Variants in COL6A1 observed in about 807,000 individuals in gnomAD.
COL6A1 encodes the protein collagen alpha-1(VI) chain.
In COL6A1, 80 loss-of-function variants were observed where a neutral mutation model predicts 145.6. The observed-to-expected ratio is 0.55, with a 90% confidence interval of 0.46 to 0.66. The LOEUF is 0.66. COL6A1 is among the 30% of genes least tolerant of loss of function. The pLI is 0.00. For synonymous variants in COL6A1, 638 were observed against 622.8 expected (o/e 1.02, Z -0.36); for missense variants, 1,364 against 1,473.8 (o/e 0.93, Z 1.22).
In COL6A1 at chr21:46,004,823, C is replaced by G; in HGVS notation, c.*810C>G. The G allele has an allele frequency of 3.1e-6, 1 of 321,332 alleles. No homozygotes were observed. Among genetic ancestry groups the G allele is most frequent in the Admixed American group, 3.4e-5 (1 of 29,616 alleles). The allele number at this position is 321,332 out of a possible 1,614,324, so 19.9% of individuals were successfully genotyped here. ...CGGTGCTAACCCCGTCTGCTCCTCC[C>G]TCCCGCAGAGACTGGGGCCTGGACT... On this transcript the variant is annotated 3_prime_UTR_variant, in exon 35 of 35. Coordinates refer to ENST00000361866, the MANE Select transcript of COL6A1 (RefSeq NM_001848.3).
chr21:45,994,763 T>G lies in COL6A1; in HGVS notation c.1398+534T>G, dbSNP rs1162915966. 6.6e-6 allele frequency among the ~76,000 whole-genome samples: 1 copy of G among 152,222 alleles called. No homozygotes were observed. Among genetic ancestry groups the G allele is most frequent in the Non-Finnish European group, 1.5e-5 (1 of 68,036 alleles). Reference sequence around the variant, plus strand: ...GCACGGCTTTCTGTCTCTTCCCCCATTCTGATGACTGCCATGATGGTGGCT... The same window carrying G: ...GCACGGCTTTCTGTCTCTTCCCCCAGTCTGATGACTGCCATGATGGTGGCT... On this transcript the variant is annotated intron_variant, in intron 20 of 34. Transcript: ENST00000361866. The surrounding 1 kb of genome is among the most constrained non-coding windows in gnomAD (Gnocchi z 6.8).
chr21:45,992,870 C>A, intron 19 of COL6A1, 60 bp downstream of exon 19: 1 of 1,475,080 alleles, frequency 6.8e-7, no homozygotes, highest in Non-Finnish European at 9.3e-7. Flanking sequence ...GAGGCTGGGG[C>A]TGGGTCAGGC....
rs555305338 is a variant in COL6A1, at chr21:45,992,644, G to A, written c.1273-104G>A. Reference sequence around the variant, plus strand: ...GCGGTGGAGGGGTGGCCCCTCCCAGGGGTCCTGCTGGGGGAGTCAGTCCAG... The same window carrying A: ...GCGGTGGAGGGGTGGCCCCTCCCAGAGGTCCTGCTGGGGGAGTCAGTCCAG... On this transcript the variant is annotated intron_variant, in intron 18 of 34. Transcript: ENST00000361866. 1.6e-4 allele frequency: 198 copies of A among 1,239,168 alleles called. 2 individuals are homozygous for A. In the South Asian group the frequency reaches 2.5e-3, roughly 16 times the overall value. 76.8% of individuals were successfully genotyped at this position (1,239,168 alleles called of 1,614,324 possible).
At position 45,991,023 on chromosome 21, in the gene COL6A1, T is replaced by C. The variant is rs777373576; in HGVS notation, c.1101T>C (p.Phe367=). The C allele has an allele frequency of 1.2e-6, 2 of 1,613,324 alleles. No homozygotes were observed. Among genetic ancestry groups the C allele is most frequent in the South Asian group, 1.1e-5 (1 of 91,074 alleles). ...GCCCCAAGGGAGACCCCGGTGCCTTTGGACTGAAAGGAGAAAAGGTGAGTG... is the reference window on the plus strand; with the variant it reads ...GCCCCAAGGGAGACCCCGGTGCCTTCGGACTGAAAGGAGAAAAGGTGAGTG... ...PPGPKGDPGA[F]GLKGEKGEPG... Residue 367 remains phenylalanine (F), a synonymous_variant, in exon 15 of 35, where the codon TTT becomes TTC. Coordinates refer to ENST00000361866, the MANE Select transcript of COL6A1 (RefSeq NM_001848.3).
At chr21:45,999,918 G>GA (rs1220584264) in intron 27 of COL6A1, among the ~76,000 whole-genome samples, 3 of 3,040 alleles carry the variant, frequency 9.9e-4, no homozygotes, top group Non-Finnish European at 1.5e-3. Flanking sequence ...AGGATCATGG[G>GA]GGACATGTGA....
rs759356750 is a variant in COL6A1, at chr21:46,002,017, G to C, written c.2013G>C (p.Gln671His). 6.2e-7 allele frequency: 1 copy of C among 1,612,758 alleles called. No individual in the cohort carries two copies. The highest frequency in any genetic ancestry group is 2.2e-5 in the East Asian group (1 of 44,866). The change falls in exon 31 of 35, where the codon CAG becomes CAC. Residue 671 changes from glutamine (Q) to histidine (H), a missense_variant. Gln to His is a conservative substitution (Grantham distance 24, BLOSUM62 0). Transcript: ENST00000361866. ...GVVQYSHSQM[Q>H]EHVSLRSPSI... ...TGCAGTACAGCCACAGCCAGATGCAGGAGCACGTGAGCCTGCGCAGCCCCA... is the reference window on the plus strand; with the variant it reads ...TGCAGTACAGCCACAGCCAGATGCACGAGCACGTGAGCCTGCGCAGCCCCA...
At chr21:45,996,630 C>T (rs2077806208) in intron 20 of COL6A1, among the ~76,000 whole-genome samples, 1 of 145,844 alleles carries the variant, frequency 6.9e-6, no homozygotes, top group Non-Finnish European at 1.5e-5. Flanking sequence ...TGGCTGGGGC[C>T]AGGTGGGCCA....
intron 17 of COL6A1, 57 bp from the exon 18 acceptor site, chr21:45,992,306 G>C: frequency 1.2e-6 from 2 of 1,613,668 alleles, no homozygotes; most frequent in Non-Finnish European, 1.7e-6. Context: ...ACGTCCCTGA[G>C]ACCAAATGCA....
rs750292331 is a variant in COL6A1, at chr21:45,999,204, C to G, written c.1726C>G (p.Pro576Ala). The change falls in exon 26 of 35, where the codon CCC becomes GCC. Residue 576 changes from proline to alanine, a missense_variant. By Grantham distance (27) the Pro-to-Ala change is conservative. Coordinates refer to ENST00000361866, the MANE Select transcript of COL6A1 (RefSeq NM_001848.3). ...CAAAGGAGCAAAGGGGTACCGGGGT[C>G]CCGAGGGCCCCCAGGTGGGTGGATG... Reference protein sequence around the residue: ...GVKGAKGYRGPEGPQGPPGHQ... With the variant: ...GVKGAKGYRGAEGPQGPPGHQ... 1 of 1,599,708 alleles carries G rather than the reference C, an allele frequency of 6.3e-7. No individual in the cohort carries two copies. The highest frequency in any genetic ancestry group is 1.1e-5 in the South Asian group (1 of 88,540).
intron 20 of COL6A1, among the ~76,000 whole-genome samples, chr21:45,995,104 G>A (rs898721068): frequency 4.6e-5 from 7 of 152,224 alleles, no homozygotes; most frequent in East Asian, 1.9e-4. Context: ...AGGTGAAATC[G>A]TGCTTTTGTG....
At position 46,001,334 on chromosome 21, in the gene COL6A1, A is replaced by G; in HGVS notation, c.1904A>G (p.Lys635Arg). Reference sequence around the variant, plus strand: ...GGCCTGCAGAACTTCGAGATTGCCAAGGACTTCGTCGTCAAGGTCATCGAC... The same window carrying G: ...GGCCTGCAGAACTTCGAGATTGCCAGGGACTTCGTCGTCAAGGTCATCGAC... ...SIGLQNFEIA[K>R]DFVVKVIDRL... Residue 635 changes from lysine to arginine, a missense_variant, in exon 30 of 35, where the codon AAG becomes AGG. This residue lies in a region of COL6A1 where 938 missense variants were observed against 1,003.8 expected (regional missense o/e 0.93). Coordinates refer to ENST00000361866, the MANE Select transcript of COL6A1 (RefSeq NM_001848.3). The G allele has an allele frequency of 6.2e-7, 1 of 1,612,918 alleles. No individual in the cohort carries two copies. Among genetic ancestry groups the G allele is most frequent in the Non-Finnish European group, 8.5e-7 (1 of 1,179,898 alleles).
At position 46,003,819 on chromosome 21, in the gene COL6A1, G is replaced by T; in HGVS notation, c.2893G>T (p.Ala965Ser). The T allele has an allele frequency of 6.2e-7, 1 of 1,606,388 alleles. No homozygotes were observed. Among genetic ancestry groups the T allele is most frequent in the Non-Finnish European group, 8.5e-7 (1 of 1,174,612 alleles). ...GAAGGCCGTGCAGGAAGCCCAGCGG[G>T]CAGGCATCGAGATCTTCGTGGTGGT... is the stretch of plus-strand genomic sequence containing the variant. ...IEKAVQEAQR[A>S]GIEIFVVVVG... Residue 965 changes from alanine (A) to serine (S), a missense_variant, in exon 35 of 35, where the codon GCA becomes TCA. Physicochemically the swap from Ala to Ser is moderately conservative, Grantham distance 99. Transcript: ENST00000361866.
chr21:45,984,365 C>T lies in COL6A1; in HGVS notation c.324C>T (p.Gly108=), dbSNP rs138646508. ...EIIQGLTRMP[G]GRDALKSSVD... is the part of the protein sequence containing the mutation. Reference sequence around the variant, plus strand: ...TCCAAGGCCTCACGCGCATGCCTGGCGGCCGCGACGCACTCAAAAGCAGCG... The same window carrying T: ...TCCAAGGCCTCACGCGCATGCCTGGTGGCCGCGACGCACTCAAAAGCAGCG... Residue 108 remains glycine (G), a synonymous_variant, in exon 3 of 35, where the codon GGC becomes GGT. Coordinates refer to ENST00000361866, the MANE Select transcript of COL6A1 (RefSeq NM_001848.3). 2,887 of 1,612,568 alleles carry T rather than the reference C, an allele frequency of 1.8e-3. 13 individuals carry two copies. Among genetic ancestry groups the T allele is most frequent in the Non-Finnish European group, 1.9e-3 (2,267 of 1,179,856 alleles).
intron 27 of COL6A1, 70 bp from the exon 28 acceptor site, chr21:46,000,261 T>C: frequency 6.3e-6 from 10 of 1,593,492 alleles, no homozygotes; most frequent in Non-Finnish European, 8.6e-6. Context: ...GACCTGGAGA[T>C]CCAGCAGCCC....
At chr21:46,002,847 C>T (rs935295346) in intron 33 of COL6A1, 137 bp downstream of exon 33, 9 of 1,195,832 alleles carry the variant, frequency 7.5e-6, no homozygotes, top group Non-Finnish European at 1.1e-5. Flanking sequence ...GCGGGGCCGC[C>T]CAGGGCCGTC....
At position 46,005,006 on chromosome 21, in the gene COL6A1, T is replaced by G. The variant is rs1321336296; in HGVS notation, c.*993T>G. 6.5e-6 allele frequency: 1 copy of G among 153,900 alleles called. No individual in the cohort carries two copies. Among genetic ancestry groups the G allele is most frequent in the African/African-American group, 2.4e-5 (1 of 41,488 alleles). The allele number at this position is 153,900 out of a possible 1,614,324, so 9.5% of individuals were successfully genotyped here. A position where few individuals can be genotyped will look rare whatever the true frequency, so the allele number is the denominator to read the frequency against. On this transcript the variant is annotated 3_prime_UTR_variant, in exon 35 of 35. Coordinates refer to ENST00000361866, the MANE Select transcript of COL6A1 (RefSeq NM_001848.3). ...TCCTTCTGTGTTTTTTTCTGAACCATATCCATGTTGCTGACTTTTCCAAAT... is the reference window on the plus strand; with the variant it reads ...TCCTTCTGTGTTTTTTTCTGAACCAGATCCATGTTGCTGACTTTTCCAAAT...
intron 27 of COL6A1, among the ~76,000 whole-genome samples, chr21:45,999,936 G>GGGAAGACGTGAGGATCATA: frequency 2.5e-4 from 1 of 4,018 alleles, no homozygotes; most frequent in Non-Finnish European, 5.6e-4. Context: ...TGAGGATCAT[G>GGGAAGACGTGAGGATCATA]GGGGGGACGT....
chr21:45,999,979 A>G (rs74275956), intron 27 of COL6A1, among the ~76,000 whole-genome samples: 2 of 1,142 alleles, frequency 1.8e-3, no homozygotes, highest in African/African-American at 3.4e-3. Flanking sequence ...AGGATCATGG[A>G]GGGGGACATG....
At chr21:45,981,981 C>A in intron 1 of COL6A1, 34 bp downstream of exon 1, 7 of 1,530,014 alleles carry the variant, frequency 4.6e-6, no homozygotes, top group Non-Finnish European at 6.3e-6. Flanking sequence ...GCTCCAGACC[C>A]CCCGCTCTTT....
Sources: gnomAD v4.1 joint callset for allele counts (sites outside exome capture counted in the v4.1 genomes callset) on GRCh38, gnomAD v4.1.1 for gene constraint, gnomAD v4.1.1 regional missense constraint, Gnocchi (gnomAD v3.1) non-coding constraint, MANE v1.5 for transcripts, NCBI Gene and HGNC (gene_info 2026-07-23, HGNC 2026-07-21) for gene names.